Variants in RIT2 observed in about 807,000 individuals in gnomAD.
The protein encoded by RIT2 is Ras like without CAAX 2, also known as GTP-binding protein Rit2.
Under a neutral mutation model 23.7 loss-of-function variants are expected in RIT2, and 24 were observed. The observed-to-expected ratio is 1.01, with a 90% CI of 0.73 to 1.43. RIT2 has a LOEUF of 1.43. RIT2 is among the 40% of genes most tolerant of loss of function. RIT2 has a pLI of 0.00. For missense variants in RIT2, 236 were observed against 266.9 expected (o/e 0.88, Z 0.81); for synonymous variants, 107 against 91.1 (o/e 1.17, Z -0.99).
At position 42,883,867 on chromosome 18, in the gene RIT2, A is replaced by G. The variant is rs567129511; in HGVS notation, c.426+39705T>C. ...TCTGATTAGAATCCCAGAAGTGTTA[A>G]ATGGCAACCCTAAAATGATATAGCC... On this transcript the variant is annotated intron_variant, in intron 4 of 4. Coordinates refer to ENST00000326695, the MANE Select transcript of RIT2 (RefSeq NM_002930.4). Among the ~76,000 whole-genome samples, 15 of 152,278 alleles carry G rather than the reference A, an allele frequency of 9.9e-5. No homozygotes were observed. The South Asian group carries it at 3.1e-3, about 32-fold the overall frequency.
intron 4 of RIT2, among the ~76,000 whole-genome samples, chr18:42,900,383 G>A (rs1180467048): frequency 6.6e-6 from 1 of 152,040 alleles, no homozygotes; most frequent in Non-Finnish European, 1.5e-5. Flanking sequence ...TCCATGCCAT[G>A]ACAGGCAGAC....
intron 4 of RIT2, among the ~76,000 whole-genome samples, chr18:42,807,260 C>G (rs900151719): frequency 1.3e-5 from 2 of 152,120 alleles, no homozygotes; most frequent in African/African-American, 2.4e-5. Flanking sequence ...ATAGGTCACT[C>G]ATTTCATACA....
intron 4 of RIT2, among the ~76,000 whole-genome samples, chr18:42,753,598 G>A (rs1055415256): frequency 1.3e-5 from 2 of 151,988 alleles, no homozygotes; most frequent in African/African-American, 4.8e-5. Context: ...ATTTCCCATG[G>A]AGCTATTAAT....
chr18:43,075,432 T>C (rs1039437644), intron 1 of RIT2, among the ~76,000 whole-genome samples: 1 of 152,194 alleles, frequency 6.6e-6, no homozygotes, highest in Non-Finnish European at 1.5e-5. Flanking sequence ...TGATAAGAAA[T>C]TGACTCCTTT....
intron 4 of RIT2, among the ~76,000 whole-genome samples, chr18:42,793,403 A>T (rs145273353): frequency 7.2e-4 from 109 of 152,272 alleles, no homozygotes; most frequent in African/African-American, 2.6e-3. Context: ...GTATCTAAGA[A>T]CCTACACTAT....
chr18:42,842,259 T>C lies in RIT2; in HGVS notation c.426+81313A>G, dbSNP rs1906787713. Among the ~76,000 whole-genome samples the C allele has an allele frequency of 2.0e-5, 3 of 152,158 alleles. No individual in the cohort carries two copies. In the East Asian group the frequency reaches 5.8e-4, roughly 29 times the overall value. On this transcript the variant is annotated intron_variant, in intron 4 of 4. Coordinates refer to ENST00000326695, the MANE Select transcript of RIT2 (RefSeq NM_002930.4). ...CTCACAATTTGACTTAATTTCCATT[T>C]GGTGGAAAGTATACATGGATGTTAT... is the stretch of plus-strand genomic sequence containing the variant.
chr18:42,818,053 T>C (rs1383903092), intron 4 of RIT2, among the ~76,000 whole-genome samples: 12 of 152,052 alleles, frequency 7.9e-5, no homozygotes, highest in African/African-American at 2.9e-4. Flanking sequence ...TATTTTGATT[T>C]TATAAGATGA....
chr18:42,967,978 T>C (rs1210210685), intron 3 of RIT2, among the ~76,000 whole-genome samples: 1 of 152,136 alleles, frequency 6.6e-6, no homozygotes, highest in Non-Finnish European at 1.5e-5. Context: ...ATTTAGATAA[T>C]CAGCATGTTA....
At chr18:42,785,140 G>A (rs1409368682) in intron 4 of RIT2, among the ~76,000 whole-genome samples, 2 of 151,962 alleles carry the variant, frequency 1.3e-5, no homozygotes, top group Non-Finnish European at 2.9e-5. Context: ...CATCTCATAA[G>A]TAAGTCATTT....
At chr18:43,050,681 G>C (rs1423700284) in intron 1 of RIT2, among the ~76,000 whole-genome samples, 1 of 152,104 alleles carries the variant, frequency 6.6e-6, no homozygotes, top group East Asian at 2.0e-4. Context: ...CTGCCTTTCT[G>C]ATTATGGGTT....
rs116001052 is a variant in RIT2, at chr18:43,044,882, T to C, written c.104-11015A>G. ...CAAACTCACTGCTAATGGAAAGAAA[T>C]TGTGCTTTCCAGGACTTTAAAAACT... On this transcript the variant is annotated intron_variant, in intron 1 of 4. Coordinates refer to ENST00000326695, the MANE Select transcript of RIT2 (RefSeq NM_002930.4). 4.5e-3 allele frequency among the ~76,000 whole-genome samples: 692 copies of C among 152,236 alleles called. 7 individuals are homozygous for C. The highest frequency in any genetic ancestry group is 0.016 in the African/African-American group (658 of 41,560).
chr18:42,892,233 A>G lies in RIT2; in HGVS notation c.426+31339T>C, dbSNP rs16977093. On this transcript the variant is annotated intron_variant, in intron 4 of 4. Coordinates refer to ENST00000326695, the MANE Select transcript of RIT2 (RefSeq NM_002930.4). Reference sequence around the variant, plus strand: ...AGTACTAATTCAGCTCTAAGTATATATTCTCCTTTGCACTGTTAAAAAACC... The same window carrying G: ...AGTACTAATTCAGCTCTAAGTATATGTTCTCCTTTGCACTGTTAAAAAACC... Among the ~76,000 whole-genome samples the G allele has an allele frequency of 4.3e-3, 654 of 152,216 alleles. 10 individuals carry two copies. The highest frequency in any genetic ancestry group is 0.015 in the African/African-American group (617 of 41,526).
chr18:42,829,730 T>C (rs1906402386), intron 4 of RIT2, among the ~76,000 whole-genome samples: 1 of 152,088 alleles, frequency 6.6e-6, no homozygotes, highest in Non-Finnish European at 1.5e-5. Context: ...AGAATATAAA[T>C]AGTGTGTGAG....
intron 1 of RIT2, among the ~76,000 whole-genome samples, chr18:43,094,489 C>T (rs566449075): frequency 1.3e-5 from 2 of 151,984 alleles, no homozygotes; most frequent in South Asian, 4.1e-4. Flanking sequence ...TTAAAAAAGA[C>T]TTTCAAGGAA....
chr18:43,032,729 T>A (rs779907247), intron 2 of RIT2, among the ~76,000 whole-genome samples: 3 of 152,090 alleles, frequency 2.0e-5, no homozygotes, highest in Non-Finnish European at 4.4e-5. Context: ...CTTCAACTGA[T>A]GAGGTGGTCT....
rs559863857 is a variant in RIT2, at chr18:42,787,922, G to A, written c.427-44202C>T. ...AAAACTGATACATTAAAATGTATTCGTTTATTTAAAATAAATTTATTTTAA... is the reference window on the plus strand; with the variant it reads ...AAAACTGATACATTAAAATGTATTCATTTATTTAAAATAAATTTATTTTAA... On this transcript the variant is annotated intron_variant, in intron 4 of 4. Coordinates refer to ENST00000326695, the MANE Select transcript of RIT2 (RefSeq NM_002930.4). 3.9e-3 allele frequency among the ~76,000 whole-genome samples: 590 copies of A among 150,976 alleles called. 4 individuals are homozygous for A. Among genetic ancestry groups the A allele is most frequent in the Non-Finnish European group, 3.9e-3 (262 of 67,698 alleles).
At chr18:43,046,500 G>A (rs1381733851) in intron 1 of RIT2, among the ~76,000 whole-genome samples, 1 of 152,128 alleles carries the variant, frequency 6.6e-6, no homozygotes, top group Non-Finnish European at 1.5e-5. Flanking sequence ...TCTGCCTAAA[G>A]CTGGGCTGCT....
At position 43,040,090 on chromosome 18, in the gene RIT2, C is replaced by T. The variant is rs543254663; in HGVS notation, c.104-6223G>A. Among the ~76,000 whole-genome samples, 11 of 152,180 alleles carry T rather than the reference C, an allele frequency of 7.2e-5. No individual in the cohort carries two copies. The South Asian group carries it at 1.0e-3, about 14-fold the overall frequency. ...TTAGAACAAGAAAAATCATGCTGTCCGTTCCAAAAGATTTTAAAGTTCACC... is the reference window on the plus strand; with the variant it reads ...TTAGAACAAGAAAAATCATGCTGTCTGTTCCAAAAGATTTTAAAGTTCACC... On this transcript the variant is annotated intron_variant, in intron 1 of 4. Transcript: ENST00000326695.
chr18:42,760,881 G>A (rs1047285325), intron 4 of RIT2, among the ~76,000 whole-genome samples: 1 of 152,092 alleles, frequency 6.6e-6, no homozygotes, highest in Non-Finnish European at 1.5e-5. Context: ...TTGTTTTAAT[G>A]ACCACCATGA....
Sources: gnomAD v4.1 joint callset for allele counts (sites outside exome capture counted in the v4.1 genomes callset) on GRCh38, gnomAD v4.1.1 for gene constraint, MANE v1.5 for transcripts, NCBI Gene and HGNC (gene_info 2026-07-23, HGNC 2026-07-21) for gene names.